The following SLF2 variants were observed in gnomAD, a reference collection of about 807,000 sequenced individuals.
SLF2 encodes the protein SMC5-SMC6 complex localization factor protein 2.
SLF2 carries 68 observed loss-of-function variants against 124.3 expected under a neutral mutation model. The ratio of observed to expected loss-of-function variants is 0.55; its 90% CI spans 0.45 to 0.67. The LOEUF (loss-of-function observed/expected upper bound fraction) is 0.67. Ranked by LOEUF, SLF2 falls within the 30% of genes least tolerant of loss-of-function variation. The pLI, the probability that SLF2 is intolerant of heterozygous loss-of-function variation, is 0.00. For missense variants in SLF2, 1,246 were observed against 1,373.7 expected, an observed-to-expected ratio of 0.91 and a Z score of 1.47; for synonymous variants, 480 against 478.8, an observed-to-expected ratio of 1.00 and a Z score of -0.03.
intron 6 of SLF2, among the ~76,000 whole-genome samples, chr10:100,929,073 A>G (rs930629371): frequency 6.6e-6 from 1 of 152,178 alleles, no homozygotes; most frequent in African/African-American, 2.4e-5. Context: ...TATGCAGTGG[A>G]ACACTATTCT....
chr10:100,914,250 A>G (rs1368496000), intron 1 of SLF2, among the ~76,000 whole-genome samples: 2 of 152,158 alleles, frequency 1.3e-5, no homozygotes, highest in Non-Finnish European at 2.9e-5. Flanking sequence ...TCTAAAACAC[A>G]TTTGGCCCCA....
chr10:100,925,217 ATATATG>A (rs765822940), intron 5 of SLF2, among the ~76,000 whole-genome samples: 45 of 152,208 alleles, frequency 3.0e-4, no homozygotes, highest in Non-Finnish European at 5.4e-4. Flanking sequence ...GTACCCCAAC[ATATATG>A]TATACCTTTA....
intron 17 of SLF2, among the ~76,000 whole-genome samples, chr10:100,955,906 A>G (rs36117959): frequency 0.055 from 284 of 5,166 alleles, 3 homozygotes; most frequent in African/African-American, 0.17. Flanking sequence ...ACTCTGTCTC[A>G]AAAAAAAAAA....
At chr10:100,944,600 ATTTTG>A (rs1850063585) in intron 12 of SLF2, among the ~76,000 whole-genome samples, 1 of 150,752 alleles carries the variant, frequency 6.6e-6, no homozygotes, top group Admixed American at 6.6e-5. Context: ...TGCTGTTTTT[ATTTTG>A]TTTTAATATT....
At chr10:100,961,404 A>G (rs540854479) in intron 19 of SLF2, among the ~76,000 whole-genome samples, 42 of 152,270 alleles carry the variant, frequency 2.8e-4, no homozygotes, top group Non-Finnish European at 4.1e-4. Flanking sequence ...AGTTGCTTAT[A>G]TTTTATATCA....
chr10:100,934,772 C>T (rs1849812137), intron 9 of SLF2, among the ~76,000 whole-genome samples: 1 of 151,298 alleles, frequency 6.6e-6, no homozygotes. Context: ...ACCACCACGC[C>T]CAGCTAATTT....
Position 100,945,312 on chromosome 10 carries a change from TGCA to T in SLF2, c.2758-17_2758-15del. 1 of 1,545,010 alleles carries T rather than the reference TGCA, an allele frequency of 6.5e-7. No individual in the cohort carries two copies. Among genetic ancestry groups the T allele is most frequent in the Admixed American group, 2.4e-5 (1 of 41,172 alleles). On this transcript the variant is annotated splice_polypyrimidine_tract_variant and intron_variant, in intron 12 of 19. Transcript: ENST00000238961. ...ATACCTCCTAAAATATTTTTGTCTG[TGCA>T]TTTATGTTAAACAGTTTCTAGGCTT...
Position 100,933,042 on chromosome 10 carries a change from A to G in SLF2, c.2436+1964A>G, listed in dbSNP as rs75833862. ...AAACCTACAAATTTCTACTTATTAT[A>G]GTTCAAAACTAATCATGCCACTGTA... On this transcript the variant is annotated intron_variant, in intron 9 of 19. Transcript: ENST00000238961. Among the ~76,000 whole-genome samples, 253 of 152,270 alleles carry G rather than the reference A, an allele frequency of 1.7e-3. 1 individual carries two copies. The highest frequency in any genetic ancestry group is 5.7e-3 in the African/African-American group (236 of 41,546).
chr10:100,953,118 C>G (rs1290085431), intron 17 of SLF2, among the ~76,000 whole-genome samples: 1 of 151,050 alleles, frequency 6.6e-6, no homozygotes, highest in African/African-American at 2.4e-5. Flanking sequence ...CAGGTTCAAG[C>G]GATTCTCCTG....
rs1016076902 is a variant in SLF2 at position 100,945,043 on chromosome 10, TA to T, written c.2758-276del. Among the ~76,000 whole-genome samples, 139 of 138,526 alleles carry T rather than the reference TA, an allele frequency of 1.0e-3. No individual in the cohort carries two copies. The South Asian group carries it at 0.012, about 12-fold the overall frequency. The allele number at this position is 138,526 out of a possible 152,430, so 90.9% of individuals were successfully genotyped here. A position where few individuals can be genotyped will look rare whatever the true frequency, so the allele number is the denominator to read the frequency against. ...AGACTCCGTCTCAAAAAAAAGAAGA[TA>T]AAAAAAAAAAGAGTTAATGACAGTG... On this transcript the variant is annotated intron_variant, in intron 12 of 19. Transcript: ENST00000238961.
intron 4 of SLF2, among the ~76,000 whole-genome samples, chr10:100,921,970 G>T (rs1395574374): frequency 6.6e-6 from 1 of 152,146 alleles, no homozygotes; most frequent in Non-Finnish European, 1.5e-5. Context: ...AGAGATAAGG[G>T]CATTTGTTAA....
Position 100,925,967 on chromosome 10 carries a change from A to G in SLF2, c.1990A>G (p.Thr664Ala). The change falls in exon 6 of 20, where the codon ACT becomes GCT. Residue 664 changes from threonine to alanine, a missense_variant. Thr to Ala is a moderately conservative substitution (Grantham distance 58). Coordinates refer to ENST00000238961, the MANE Select transcript of SLF2 (RefSeq NM_018121.4). Reference sequence around the variant, plus strand: ...GTTTTAGGGACATGTTCATCCTGGAACTTACACAAATACCTTAGAACGTCT... The same window carrying G: ...GTTTTAGGGACATGTTCATCCTGGAGCTTACACAAATACCTTAGAACGTCT... ...SDYTGHVHPG[T>A]YTNTLERLVK... 2 of 1,603,558 alleles carry G rather than the reference A, an allele frequency of 1.2e-6. No individual in the cohort carries two copies. Among genetic ancestry groups the G allele is most frequent in the Non-Finnish European group, 1.7e-6 (2 of 1,174,348 alleles).
Position 100,937,581 on chromosome 10 carries a change from A to G in SLF2, c.2512+104A>G, listed in dbSNP as rs1390101366. ...GTTAGTATATTTGGAAATATACAAT[A>G]CAAAATTATTTTTCTAATCAAAAGT... On this transcript the variant is annotated intron_variant, in intron 10 of 19. Coordinates refer to ENST00000238961, the MANE Select transcript of SLF2 (RefSeq NM_018121.4). The G allele has an allele frequency of 5.1e-6, 4 of 788,872 alleles. No homozygotes were observed. The African/African-American group carries it at 7.1e-5, about 14-fold the overall frequency. 48.9% of individuals were successfully genotyped at this position (788,872 alleles called of 1,614,324 possible).
At chr10:100,944,357 T>TG (rs1214240560) in intron 12 of SLF2, among the ~76,000 whole-genome samples, 2 of 151,810 alleles carry the variant, frequency 1.3e-5, no homozygotes, top group African/African-American at 4.9e-5. Flanking sequence ...TAGCCAGGCA[T>TG]GGCAGCGGGT....
At chr10:100,932,725 G>A (rs1299425713) in intron 9 of SLF2, among the ~76,000 whole-genome samples, 13 of 64,474 alleles carry the variant, frequency 2.0e-4, no homozygotes, top group Admixed American at 1.8e-4. Flanking sequence ...GTGTGTGCGC[G>A]CGCGCGCGCG....
At chr10:100,953,864 C>G (rs1589967039) in intron 17 of SLF2, among the ~76,000 whole-genome samples, 1 of 151,894 alleles carries the variant, frequency 6.6e-6, no homozygotes, top group Admixed American at 6.6e-5. Context: ...GTTGGCCAGG[C>G]TGGTCTCGAA....
intron 4 of SLF2, among the ~76,000 whole-genome samples, chr10:100,922,528 T>G (rs1423067470): frequency 1.7e-4 from 26 of 152,206 alleles, no homozygotes. Context: ...AAAGCAACTC[T>G]TGGGGAATGG....
At chr10:100,948,144 TATTGA>T (rs752773778) in intron 15 of SLF2, among the ~76,000 whole-genome samples, 154 of 152,366 alleles carry the variant, frequency 1.0e-3, no homozygotes, top group Admixed American at 3.1e-3. Context: ...TGATTTCATT[TATTGA>T]ATTAGTTCAG....
intron 6 of SLF2, among the ~76,000 whole-genome samples, chr10:100,926,943 T>C (rs1240550945): frequency 2.0e-5 from 3 of 151,876 alleles, no homozygotes; most frequent in Non-Finnish European, 4.4e-5. Context: ...ATGGGTTCTC[T>C]TGTTCATAGA....
Sources: gnomAD v4.1 joint callset for allele counts (sites outside exome capture counted in the v4.1 genomes callset) on GRCh38, gnomAD v4.1.1 for gene constraint, MANE v1.5 for transcripts, NCBI Gene and HGNC (gene_info 2026-07-23, HGNC 2026-07-21) for gene names.